FAM20C: variants seen among roughly 807,000 people sequenced by gnomAD.
FAM20C encodes FAM20C golgi associated secretory pathway kinase.
A neutral mutation model predicts 51.5 loss-of-function variants in FAM20C; 40 were observed. The ratio of observed to expected loss-of-function variants is 0.78; its 90% CI spans 0.60 to 1.01. The LOEUF is 1.01. Among genes scored for constraint, FAM20C ranks in the 50% least tolerant of loss-of-function variants. FAM20C has a pLI of 0.00. For missense variants in FAM20C, 861 were observed against 844.7 expected, an observed-to-expected ratio of 1.02 and a Z score of -0.24; for synonymous variants, 406 against 380.6, an observed-to-expected ratio of 1.07 and a Z score of -0.78.
chr7:230,858 A>G (rs1222928191), intron 3 of FAM20C, among the ~76,000 whole-genome samples: 2 of 151,530 alleles, frequency 1.3e-5, no homozygotes, highest in Non-Finnish European at 2.9e-5. Context: ...TACTGCTCTC[A>G]ATAATATACT....
intron 2 of FAM20C, among the ~76,000 whole-genome samples, chr7:207,990 C>T (rs1412177228): frequency 1.3e-5 from 2 of 152,262 alleles, no homozygotes; most frequent in Admixed American, 1.3e-4. Flanking sequence ...CACACCCCAG[C>T]GAGTCCTTGC....
In FAM20C at chr7:249,741, A is replaced by G. The variant is rs188610504; in HGVS notation, c.1072+1311A>G. The stretch of plus-strand genomic sequence containing the variant: ...GGCAACAGAGTGAGACCCTGTCTCA[A>G]AAAAAAAGAAAAGAAAAGAAACTGG... On this transcript the variant is annotated intron_variant, in intron 5 of 9. Transcript: ENST00000313766. Among the ~76,000 whole-genome samples, 1,354 of 152,106 alleles carry G rather than the reference A, an allele frequency of 8.9e-3. 6 individuals are homozygous for G. Among genetic ancestry groups the G allele is most frequent in the Middle Eastern group, 0.027 (8 of 294 alleles).
intron 2 of FAM20C, among the ~76,000 whole-genome samples, chr7:202,750 A>G (rs1786193547): frequency 6.8e-6 from 1 of 146,268 alleles, no homozygotes. Flanking sequence ...GGGGGGCCCT[A>G]TGGATATCTT....
At chr7:235,616 G>A (rs1438770229) in intron 3 of FAM20C, among the ~76,000 whole-genome samples, 5 of 152,222 alleles carry the variant, frequency 3.3e-5, no homozygotes, top group Admixed American at 6.5e-5. Flanking sequence ...GGTAGCTGGC[G>A]CTTCCCTGAG....
At chr7:222,923 G>T (rs190365966) in intron 3 of FAM20C, among the ~76,000 whole-genome samples, 3 of 152,150 alleles carry the variant, frequency 2.0e-5, no homozygotes, top group Non-Finnish European at 2.9e-5. Context: ...TGCATGTGTG[G>T]GTGTGTGTAC....
At chr7:218,506 G>A (rs562056331) in intron 3 of FAM20C, among the ~76,000 whole-genome samples, 1 of 152,240 alleles carries the variant, frequency 6.6e-6, no homozygotes, top group East Asian at 1.9e-4. Context: ...AAGGGAGGCC[G>A]GGACGCCAAG....
At chr7:244,059 C>T (rs1360177900) in intron 3 of FAM20C, among the ~76,000 whole-genome samples, 1 of 151,808 alleles carries the variant, frequency 6.6e-6, no homozygotes, top group African/African-American at 2.4e-5. Context: ...CTCAGCCTCC[C>T]GCGTAGCTGG....
At chr7:255,242 C>A (rs747131286) in intron 5 of FAM20C, among the ~76,000 whole-genome samples, 1 of 152,142 alleles carries the variant, frequency 6.6e-6, no homozygotes, top group African/African-American at 2.4e-5. Flanking sequence ...CCGTCCCAGC[C>A]GGCAGCTGCT....
At chr7:258,374 G>A (rs373385560) in intron 8 of FAM20C, among the ~76,000 whole-genome samples, 633 of 57,002 alleles carry the variant, frequency 0.011, 102 homozygotes, top group Middle Eastern at 0.033. Flanking sequence ...TGCTGGAGAT[G>A]GGCAGGGTGG....
intron 3 of FAM20C, among the ~76,000 whole-genome samples, chr7:235,894 G>T (rs1296892831): frequency 6.6e-6 from 1 of 152,200 alleles, no homozygotes; most frequent in Non-Finnish European, 1.5e-5. Flanking sequence ...GAAACATTTG[G>T]GCGACTGCCC....
chr7:255,198 C>T (rs909830945), intron 5 of FAM20C, among the ~76,000 whole-genome samples: 5 of 152,162 alleles, frequency 3.3e-5, no homozygotes, highest in African/African-American at 1.2e-4. Flanking sequence ...CCGTGTGCAC[C>T]CCCCGCCAGC....
intron 1 of FAM20C, 86 bp downstream of exon 1, chr7:193,890 C>T (rs1425999019): frequency 6.9e-7 from 1 of 1,446,632 alleles, no homozygotes; most frequent in Non-Finnish European, 9.2e-7. Context: ...CCCAGAGGGC[C>T]GCCCCCCATG....
chr7:235,412 G>A (rs1389554765), intron 3 of FAM20C, among the ~76,000 whole-genome samples: 7 of 152,182 alleles, frequency 4.6e-5, no homozygotes, highest in Admixed American at 1.3e-4. Context: ...CTACGTCCAC[G>A]TGAGGGGCTG....
At chr7:197,667 G>C (rs1043012411) in intron 2 of FAM20C, 1 of 152,312 alleles carries the variant, frequency 6.6e-6, no homozygotes, top group Non-Finnish European at 1.5e-5. Flanking sequence ...CAGGGTCTGA[G>C]CAGAGGGAGG....
Position 195,685 on chromosome 7 carries a change from T to C in FAM20C, c.737T>C (p.Ile246Thr), listed in dbSNP as rs796051874. The change falls in exon 2 of 10, where the codon ATC becomes ACC. Residue 246 changes from isoleucine (I) to threonine (T), a missense_variant. Ile to Thr is a moderately conservative substitution (Grantham distance 89). This residue lies in a region of FAM20C where 561 missense variants were observed against 499.8 expected (regional missense o/e 1.12). Coordinates refer to ENST00000313766, the MANE Select transcript of FAM20C (RefSeq NM_020223.4). ...YELYSRHNPAIEALLHDLSSQ... is the reference protein window; with the variant it reads ...YELYSRHNPATEALLHDLSSQ... ...CTGTACTCCAGACACAACCCGGCCA[T>C]CGAGGCCCTGCTGCACGACCTCAGC... 4.3e-6 allele frequency: 7 copies of C among 1,610,942 alleles called. No homozygotes were observed. The African/African-American group carries it at 6.7e-5, about 15-fold the overall frequency.
intron 2 of FAM20C, among the ~76,000 whole-genome samples, chr7:202,715 C>A: frequency 7.4e-6 from 1 of 134,522 alleles, no homozygotes. Context: ...CGGGTGGCTG[C>A]TGGGTGGGAT....
At chr7:216,702 A>G (rs1786998825) in intron 3 of FAM20C, among the ~76,000 whole-genome samples, 1 of 125,302 alleles carries the variant, frequency 8.0e-6, no homozygotes, top group South Asian at 2.5e-4. Flanking sequence ...TGTGTGTGAG[A>G]CAGAGTGTGT....
chr7:256,152 G>A (rs1216314131), intron 6 of FAM20C, 123 bp downstream of exon 6: 7 of 1,205,220 alleles, frequency 5.8e-6, no homozygotes, highest in South Asian at 1.6e-5. Context: ...CCTGCTGTGC[G>A]ATGCTGGCCT....
At chr7:203,225 T>C (rs999662222) in intron 2 of FAM20C, among the ~76,000 whole-genome samples, 1 of 152,206 alleles carries the variant, frequency 6.6e-6, no homozygotes, top group African/African-American at 2.4e-5. Flanking sequence ...CCCTGTCCAC[T>C]GGAGGCACGG....
Sources: gnomAD v4.1 joint callset for allele counts (sites outside exome capture counted in the v4.1 genomes callset) on GRCh38, gnomAD v4.1.1 for gene constraint, gnomAD v4.1.1 regional missense constraint, MANE v1.5 for transcripts, NCBI Gene and HGNC (gene_info 2026-07-23, HGNC 2026-07-21) for gene names.